Variants in COL5A2 observed in about 807,000 individuals in gnomAD.
COL5A2 encodes the protein collagen alpha-2(V) chain.
COL5A2 carries 23 observed loss-of-function variants against 208.2 expected under a neutral mutation model. The ratio of observed to expected loss-of-function variants is 0.11; its 90% CI spans 0.08 to 0.16. The LOEUF is 0.16. Ranked by LOEUF, COL5A2 falls within the 10% of genes least tolerant of loss-of-function variation. The pLI is 1.00. For synonymous variants in COL5A2, 625 were observed against 628.5 expected (o/e 0.99, Z 0.08); for missense variants, 1,590 against 1,956.4 (o/e 0.81, Z 3.53).
At chr2:189,085,844 T>C in intron 9 of COL5A2, 72 bp from the exon 10 acceptor site, 1 of 1,238,908 alleles carries the variant, frequency 8.1e-7, no homozygotes, top group East Asian at 2.4e-5. Flanking sequence ...TCTGTCAATA[T>C]ACAGTGTAAT....
At chr2:189,318,432 T>C in the COL5A2 span, among the ~76,000 whole-genome samples, 111 of 152,334 alleles carry the variant, frequency 7.3e-4, no homozygotes, top group African/African-American at 2.5e-3. Flanking sequence ...CAACTCCCTC[T>C]ACATGCCTTA....
At chr2:189,319,336 C>G in the COL5A2 span, among the ~76,000 whole-genome samples, 1 of 152,230 alleles carries the variant, frequency 6.6e-6, no homozygotes, top group Non-Finnish European at 1.5e-5. Flanking sequence ...CTGGATGCAG[C>G]GCACCAAGCG....
At position 189,058,869 on chromosome 2, in the gene COL5A2, C is replaced by T. The variant is rs769439299; in HGVS notation, c.2110G>A (p.Val704Ile). 6.2e-7 allele frequency: 1 copy of T among 1,612,614 alleles called. No homozygotes were observed. Among genetic ancestry groups the T allele is most frequent in the Admixed American group, 1.7e-5 (1 of 59,794 alleles). Reference sequence around the variant, plus strand: ...CTTACTCTAGGTCCTAACGGGCCAACTGCTCCGGGATCTCCAGGAACACCC... The same window carrying T: ...CTTACTCTAGGTCCTAACGGGCCAATTGCTCCGGGATCTCCAGGAACACCC... ...DQGVPGDPGA[V>I]GPLGPRGERG... The change falls in exon 32 of 54, where the codon GTT becomes ATT. Residue 704 changes from valine to isoleucine, a missense_variant. Transcript: ENST00000374866.
At chr2:189,111,045 T>C (rs1687250078) in intron 1 of COL5A2, among the ~76,000 whole-genome samples, 1 of 152,218 alleles carries the variant, frequency 6.6e-6, no homozygotes, top group Non-Finnish European at 1.5e-5. Flanking sequence ...ACTAAATTGA[T>C]GGTGTTTACT....
intron 1 of COL5A2, among the ~76,000 whole-genome samples, chr2:189,179,082 G>A (rs1236265484): frequency 6.6e-6 from 1 of 152,190 alleles, no homozygotes; most frequent in Non-Finnish European, 1.5e-5. Context: ...AGAATTTTAT[G>A]AAGCAGCTGA....
intron 1 of COL5A2, among the ~76,000 whole-genome samples, chr2:189,132,203 C>G (rs865913966): frequency 1.3e-5 from 2 of 152,180 alleles, no homozygotes; most frequent in Non-Finnish European, 2.9e-5. Context: ...TAATCATGGT[C>G]TGGTTTTTAG....
intron 1 of COL5A2, among the ~76,000 whole-genome samples, chr2:189,145,158 G>A (rs1446811296): frequency 1.3e-5 from 2 of 152,162 alleles, no homozygotes; most frequent in African/African-American, 4.8e-5. Context: ...CAGACTCTGA[G>A]TAAGCGGGAT....
chr2:189,255,870 T>C, the COL5A2 span, among the ~76,000 whole-genome samples: 1 of 152,174 alleles, frequency 6.6e-6, no homozygotes, highest in Non-Finnish European at 1.5e-5. Context: ...AAGTAGCACA[T>C]GAGCACCTTG....
chr2:189,389,887 T>C, the COL5A2 span, among the ~76,000 whole-genome samples: 1 of 152,288 alleles, frequency 6.6e-6, no homozygotes, highest in East Asian at 1.9e-4. Context: ...ATCCAAAAAC[T>C]GGACAGAAGA....
chr2:189,377,576 A>T, the COL5A2 span, among the ~76,000 whole-genome samples: 1 of 152,208 alleles, frequency 6.6e-6, no homozygotes, highest in Non-Finnish European at 1.5e-5. Flanking sequence ...ACACTAACCT[A>T]AAGTAAATTT....
At chr2:189,257,631 A>C in the COL5A2 span, among the ~76,000 whole-genome samples, 1 of 152,210 alleles carries the variant, frequency 6.6e-6, no homozygotes, top group Non-Finnish European at 1.5e-5. Flanking sequence ...AAGATGTGTG[A>C]TATGCAGGGA....
At chr2:189,155,740 G>A (rs1348196055) in intron 1 of COL5A2, among the ~76,000 whole-genome samples, 2 of 151,790 alleles carry the variant, frequency 1.3e-5, no homozygotes, top group African/African-American at 4.8e-5. Flanking sequence ...TAATAAACTA[G>A]CACAAACCTC....
At chr2:189,325,531 G>A in the COL5A2 span, among the ~76,000 whole-genome samples, 6 of 151,632 alleles carry the variant, frequency 4.0e-5, no homozygotes, top group Admixed American at 6.6e-5. Flanking sequence ...TTCAGGGAGA[G>A]ACACAGAGAC....
the COL5A2 span, among the ~76,000 whole-genome samples, chr2:189,380,616 T>C: frequency 1.3e-5 from 2 of 151,758 alleles, no homozygotes; most frequent in Non-Finnish European, 2.9e-5. Context: ...ATTTATGCTG[T>C]TCAATTATTT....
the COL5A2 span, among the ~76,000 whole-genome samples, chr2:189,401,760 A>G: frequency 6.6e-6 from 1 of 152,202 alleles, no homozygotes; most frequent in Admixed American, 6.5e-5. Flanking sequence ...AATAATAGCC[A>G]TTCTAACTGG....
chr2:189,128,611 G>GAAATC (rs1687652929), intron 1 of COL5A2, among the ~76,000 whole-genome samples: 1 of 151,902 alleles, frequency 6.6e-6, no homozygotes. Context: ...CCTACTTCTA[G>GAAATC]TGACTCTGAT....
At chr2:189,376,477 C>T in the COL5A2 span, among the ~76,000 whole-genome samples, 2 of 152,044 alleles carry the variant, frequency 1.3e-5, no homozygotes, top group African/African-American at 2.4e-5. Context: ...AGTACATAAC[C>T]TAGATTAGAA....
At chr2:189,261,965 C>A in the COL5A2 span, among the ~76,000 whole-genome samples, 7,879 of 152,178 alleles carry the variant, frequency 0.052, 260 homozygotes, top group Admixed American at 0.1. Context: ...GCATACACAT[C>A]ATAGTTATGG....
chr2:189,189,469 A>T (rs1275322399), intron 1 of COL5A2, among the ~76,000 whole-genome samples: 1 of 152,192 alleles, frequency 6.6e-6, no homozygotes, highest in Non-Finnish European at 1.5e-5. Context: ...GAATCACCTG[A>T]GGCCAGGAGT....
Sources: gnomAD v4.1 joint callset for allele counts (sites outside exome capture counted in the v4.1 genomes callset) on GRCh38, gnomAD v4.1.1 for gene constraint, MANE v1.5 for transcripts, NCBI Gene and HGNC (gene_info 2026-07-23, HGNC 2026-07-21) for gene names.